The following KIF6 variants were observed in gnomAD, a reference collection of about 807,000 sequenced individuals.
The protein encoded by KIF6 is kinesin family member 6, also known as kinesin-like protein KIF6.
A neutral mutation model predicts 112.7 loss-of-function variants in KIF6; 106 were observed. That is an observed-to-expected ratio of 0.94 (90% CI 0.80 to 1.11). KIF6 has a LOEUF of 1.11. Ranked by LOEUF, KIF6 falls within the 50% of genes least tolerant of loss-of-function variation. The pLI, the probability that KIF6 is intolerant of heterozygous loss-of-function variation, is 0.00. For missense variants in KIF6, 929 were observed against 964.0 expected (o/e 0.96, Z 0.48); for synonymous variants, 339 against 339.9 (o/e 1.00, Z 0.03).
chr6:39,511,771 G>C (rs1463618729), intron 13 of KIF6, among the ~76,000 whole-genome samples: 1 of 152,192 alleles, frequency 6.6e-6, no homozygotes, highest in East Asian at 1.9e-4. Context: ...CATAAAACAG[G>C]ATGAGTTCAT....
At chr6:39,489,622 T>G (rs1459217807) in intron 13 of KIF6, among the ~76,000 whole-genome samples, 2 of 152,058 alleles carry the variant, frequency 1.3e-5, no homozygotes, top group Non-Finnish European at 2.9e-5. Context: ...GTAGCAACAG[T>G]CTTCAGGATG....
chr6:39,509,183 A>G (rs1434779461), intron 13 of KIF6, among the ~76,000 whole-genome samples: 2 of 152,202 alleles, frequency 1.3e-5, no homozygotes. Context: ...AATAGCATCA[A>G]CGTCAACAAA....
At chr6:39,337,560 C>A (rs1319880748) in intron 22 of KIF6, among the ~76,000 whole-genome samples, 2 of 151,608 alleles carry the variant, frequency 1.3e-5, no homozygotes, top group Non-Finnish European at 3.0e-5. Context: ...TGATCCTTCA[C>A]CTCAGCCTCC....
At chr6:39,479,561 T>C (rs1394961055) in intron 13 of KIF6, among the ~76,000 whole-genome samples, 5 of 152,128 alleles carry the variant, frequency 3.3e-5, no homozygotes, top group African/African-American at 1.2e-4. Context: ...TTTTGCTTAG[T>C]CTTGCTTTGG....
chr6:39,373,604 A>T (rs1304568522), intron 16 of KIF6, among the ~76,000 whole-genome samples: 1 of 152,226 alleles, frequency 6.6e-6, no homozygotes, highest in East Asian at 1.9e-4. Context: ...AATTAAAAAA[A>T]AATTCCATTA....
In KIF6 at chr6:39,634,971, G is replaced by T. The variant is rs16892332; in HGVS notation, c.400-13C>A. On this transcript the variant is annotated splice_polypyrimidine_tract_variant and intron_variant, in intron 4 of 22. Transcript: ENST00000287152. ...TTTTGCTGCTGTCCTGATTGGAAAA[G>T]GGAAAGGTATTATTTATCGGTTATA... The T allele has an allele frequency of 8.6e-3, 11,883 of 1,379,946 alleles. 1,083 individuals are homozygous for T. The East Asian group carries it at 0.21, about 25-fold the overall frequency. The allele number at this position is 1,379,946 out of a possible 1,614,324, so 85.5% of individuals were successfully genotyped here. A position where few individuals can be genotyped will look rare whatever the true frequency, so the allele number is the denominator to read the frequency against.
intron 3 of KIF6, among the ~76,000 whole-genome samples, chr6:39,706,768 C>T (rs1582493674): frequency 6.6e-6 from 1 of 152,102 alleles, no homozygotes; most frequent in African/African-American, 2.4e-5. Flanking sequence ...TGGTGAATAA[C>T]GTTTCCTGTA....
chr6:39,365,866 C>G (rs936634777), intron 16 of KIF6, among the ~76,000 whole-genome samples: 4 of 152,182 alleles, frequency 2.6e-5, no homozygotes, highest in African/African-American at 9.7e-5. Context: ...GGCCATCTCA[C>G]CCGGCCAGAA....
At chr6:39,644,778 T>G (rs968107130) in intron 3 of KIF6, among the ~76,000 whole-genome samples, 1 of 152,174 alleles carries the variant, frequency 6.6e-6, no homozygotes, top group Non-Finnish European at 1.5e-5. Flanking sequence ...TAAAAACAAC[T>G]AAATTGCATG....
intron 13 of KIF6, among the ~76,000 whole-genome samples, chr6:39,514,410 A>G (rs1422111442): frequency 6.6e-6 from 1 of 152,244 alleles, no homozygotes. Context: ...GTCCATCAGC[A>G]TTTAAGCAGA....
chr6:39,372,120 T>G (rs1048083092), intron 16 of KIF6, among the ~76,000 whole-genome samples: 1 of 152,204 alleles, frequency 6.6e-6, no homozygotes, highest in Middle Eastern at 3.2e-3. Context: ...GAAATTGGAA[T>G]TATTAAGATT....
chr6:39,587,613 T>G lies in KIF6; in HGVS notation c.847-1209A>C, dbSNP rs552085619. Among the ~76,000 whole-genome samples the G allele has an allele frequency of 1.3e-4, 20 of 152,158 alleles. No homozygotes were observed. The East Asian group carries it at 3.3e-3, about 25-fold the overall frequency. ...TGTTCACCCTCTCCTCTCCTCAATT[T>G]CACTTCGAGCTGATGGCCACACTTC... On this transcript the variant is annotated intron_variant, in intron 7 of 22. Coordinates refer to ENST00000287152, the MANE Select transcript of KIF6 (RefSeq NM_145027.6).
At chr6:39,620,114 T>C (rs549589077) in intron 5 of KIF6, among the ~76,000 whole-genome samples, 1 of 152,226 alleles carries the variant, frequency 6.6e-6, no homozygotes, top group African/African-American at 2.4e-5. Context: ...GTTACGCTAG[T>C]ATTCCTTGCT....
intron 15 of KIF6, among the ~76,000 whole-genome samples, chr6:39,418,162 T>C (rs1562195878): frequency 6.6e-6 from 1 of 152,216 alleles, no homozygotes; most frequent in East Asian, 1.9e-4. Context: ...TCAGATGAGC[T>C]ATGGATGGAC....
In KIF6 at chr6:39,634,958, C is replaced by T; in HGVS notation, c.400G>A (p.Asp134Asn). 6.5e-7 allele frequency: 1 copy of T among 1,539,482 alleles called. No individual in the cohort carries two copies. The highest frequency in any genetic ancestry group is 1.4e-5 in the African/African-American group (1 of 73,482). ...LSYIFEQLQK[D>N]SSKIYTTHIS... is the part of the protein sequence containing the mutation. ...TGTGTTGTATATATTTTGCTGCTGT[C>T]CTGATTGGAAAAGGGAAAGGTATTA... Residue 134 changes from aspartate (D) to asparagine (N), a missense_variant and splice_region_variant, in exon 5 of 23, where the codon GAC (aspartate) becomes AAC (asparagine). Physicochemically the swap from Asp to Asn is conservative, Grantham distance 23. Coordinates refer to ENST00000287152, the MANE Select transcript of KIF6 (RefSeq NM_145027.6).
chr6:39,386,726 T>G (rs1416904708), intron 15 of KIF6, among the ~76,000 whole-genome samples: 2 of 152,014 alleles, frequency 1.3e-5, no homozygotes, highest in African/African-American at 4.8e-5. Context: ...GCTTCCTCCG[T>G]CTCTAAAATT....
chr6:39,449,192 C>T (rs1432724295), intron 13 of KIF6, among the ~76,000 whole-genome samples: 1 of 152,202 alleles, frequency 6.6e-6, no homozygotes, highest in African/African-American at 2.4e-5. Context: ...TATATAGCAA[C>T]CCAAATGATC....
intron 12 of KIF6, among the ~76,000 whole-genome samples, chr6:39,541,666 G>A (rs1778796561): frequency 6.6e-6 from 1 of 152,182 alleles, no homozygotes; most frequent in Admixed American, 6.5e-5. Context: ...ATGCATGCAT[G>A]CACATGCACA....
chr6:39,482,944 C>T (rs1027522409), intron 13 of KIF6, among the ~76,000 whole-genome samples: 1 of 152,246 alleles, frequency 6.6e-6, no homozygotes, highest in African/African-American at 2.4e-5. Flanking sequence ...TATGACCAAC[C>T]TAGAACCAGA....
Sources: allele counts gnomAD v4.1 joint callset (sites outside exome capture counted in the v4.1 genomes callset), GRCh38; gene constraint gnomAD v4.1.1; transcripts MANE v1.5; gene names NCBI Gene and HGNC (gene_info 2026-07-23, HGNC 2026-07-21).